PKHD1: variants seen among roughly 807,000 people sequenced by gnomAD.
PKHD1 encodes the protein fibrocystin.
In PKHD1, 291 loss-of-function variants were observed where a neutral mutation model predicts 412.0. That is an observed-to-expected ratio of 0.71 (90% confidence interval 0.64 to 0.78). The LOEUF (loss-of-function observed/expected upper bound fraction) is 0.78. Ranked by LOEUF, PKHD1 falls within the 30% of genes least tolerant of loss-of-function variation. The pLI, the probability that PKHD1 is intolerant of heterozygous loss-of-function variation, is 0.00. For missense variants in PKHD1, 4,825 were observed against 4,950.7 expected, an observed-to-expected ratio of 0.97 and a Z score of 0.76; for synonymous variants, 1,777 against 1,821.5, an observed-to-expected ratio of 0.98 and a Z score of 0.62.
intron 14 of PKHD1, 124 bp downstream of exon 14, chr6:52,062,394 TG>T: frequency 1.0e-6 from 1 of 992,794 alleles, no homozygotes; most frequent in Non-Finnish European, 1.6e-6. Flanking sequence ...CAAACTCTGT[TG>T]TTGTTGAATT....
intron 46 of PKHD1, among the ~76,000 whole-genome samples, chr6:51,872,187 T>C (rs1266974156): frequency 6.6e-6 from 1 of 151,286 alleles, no homozygotes; most frequent in Non-Finnish European, 1.5e-5. Context: ...GGGGAAAGAA[T>C]TATCAAAGAA....
chr6:51,883,336 A>G, intron 45 of PKHD1, 109 bp from the exon 46 acceptor site: 9 of 996,336 alleles, frequency 9.0e-6, no homozygotes, highest in Non-Finnish European at 1.4e-5. Context: ...GCTATATTGT[A>G]TTAAAGCACC....
intron 35 of PKHD1, among the ~76,000 whole-genome samples, chr6:51,978,719 CA>C (rs898845750): frequency 2.5e-4 from 38 of 152,290 alleles, no homozygotes; most frequent in African/African-American, 7.0e-4. Flanking sequence ...GCTCATCTCA[CA>C]AACACTGTAA....
chr6:51,644,491 T>C (rs1769820719), intron 63 of PKHD1, among the ~76,000 whole-genome samples: 1 of 152,178 alleles, frequency 6.6e-6, no homozygotes, highest in East Asian at 1.9e-4. Context: ...GAGCTTAGAC[T>C]CATAGCCAGA....
At chr6:51,793,076 C>A (rs1794014363) in intron 52 of PKHD1, among the ~76,000 whole-genome samples, 1 of 152,120 alleles carries the variant, frequency 6.6e-6, no homozygotes, top group African/African-American at 2.4e-5. Flanking sequence ...TAAATGTCGT[C>A]CAGATCTGTT....
At chr6:52,053,502 T>G (rs1334518552) in intron 20 of PKHD1, among the ~76,000 whole-genome samples, 1 of 152,226 alleles carries the variant, frequency 6.6e-6, no homozygotes, top group Non-Finnish European at 1.5e-5. Flanking sequence ...ACATGCAATG[T>G]CAGCAGCATT....
intron 50 of PKHD1, among the ~76,000 whole-genome samples, chr6:51,846,964 T>C (rs979317786): frequency 6.6e-6 from 1 of 151,980 alleles, no homozygotes; most frequent in Non-Finnish European, 1.5e-5. Context: ...TTTCTCTTTC[T>C]TTTTTTTATT....
intron 48 of PKHD1, among the ~76,000 whole-genome samples, chr6:51,859,028 T>G (rs1041880411): frequency 2.0e-5 from 3 of 152,200 alleles, no homozygotes; most frequent in African/African-American, 7.2e-5. Context: ...GCACTAATAA[T>G]GGTCTCTGGT....
chr6:51,721,725 G>A, intron 60 of PKHD1: 1 of 1,357,374 alleles, frequency 7.4e-7, no homozygotes, highest in Non-Finnish European at 9.5e-7. Context: ...TGTCACTGTT[G>A]ACACCCTCTC....
Position 52,055,657 on chromosome 6 carries a change from CGGAGGCTGAA to C in PKHD1, c.1756_1765del (p.Phe586ValfsTer19). On this transcript the variant is annotated frameshift_variant, in exon 19 of 67. Transcript: ENST00000371117. LOFTEE classifies it high-confidence loss of function. ...AGTAAGGACAAGGTGTCGAGGCTGACGGAGGCTGAACCTGCCACAGAAGGGCTCCGTCCCA... is the reference window on the plus strand; with the variant it reads ...AGTAAGGACAAGGTGTCGAGGCTGACCCTGCCACAGAAGGGCTCCGTCCCA... 1 of 1,613,650 alleles carries C rather than the reference CGGAGGCTGAA, an allele frequency of 6.2e-7. No individual in the cohort carries two copies.
chr6:51,634,395 G>A (rs1273529106), intron 64 of PKHD1, among the ~76,000 whole-genome samples: 1 of 152,078 alleles, frequency 6.6e-6, no homozygotes, highest in Non-Finnish European at 1.5e-5. Context: ...TGCTTTTTAT[G>A]GGCATCTGAA....
intron 43 of PKHD1, 142 bp from the exon 44 acceptor site, chr6:51,887,387 A>T (rs1488859048): frequency 1.5e-6 from 1 of 688,116 alleles, no homozygotes; most frequent in East Asian, 2.7e-5. Flanking sequence ...AGACTCATTT[A>T]TTCTTTTTTT....
In PKHD1 at chr6:52,055,519, G is replaced by T. The variant is rs1807572235; in HGVS notation, c.1836+68C>A. 7 of 1,559,928 alleles carry T rather than the reference G, an allele frequency of 4.5e-6. No individual in the cohort carries two copies. The South Asian group carries it at 6.7e-5, about 15-fold the overall frequency. On this transcript the variant is annotated intron_variant, in intron 19 of 66. Transcript: ENST00000371117. ...ACTCCTTTGTGCTTCTGAGTTTTCAGTCTTGAATCCAGAGAGCAATACCAA... is the reference window on the plus strand; with the variant it reads ...ACTCCTTTGTGCTTCTGAGTTTTCATTCTTGAATCCAGAGAGCAATACCAA...
chr6:51,855,359 A>C (rs532703843), intron 49 of PKHD1, among the ~76,000 whole-genome samples: 1 of 152,272 alleles, frequency 6.6e-6, no homozygotes, highest in Admixed American at 6.5e-5. Flanking sequence ...GTTTCTAGTA[A>C]GCCATCTTGC....
intron 60 of PKHD1, among the ~76,000 whole-genome samples, chr6:51,710,365 C>T (rs1479183314): frequency 6.6e-6 from 1 of 151,882 alleles, no homozygotes; most frequent in East Asian, 1.9e-4. Flanking sequence ...CATCAATAGT[C>T]CTGGTTGAAC....
At position 51,713,425 on chromosome 6, in the gene PKHD1, T is replaced by G. The variant is rs572936112; in HGVS notation, c.10156+30960A>C. On this transcript the variant is annotated intron_variant, in intron 60 of 66. Coordinates refer to ENST00000371117, the MANE Select transcript of PKHD1 (RefSeq NM_138694.4). ...TTGGCTTTGGATCATTTTCCTTGAC[T>G]CCTCCTCCTCTACTCACTATGAAGC... is the stretch of plus-strand genomic sequence containing the variant. Among the ~76,000 whole-genome samples, 8 of 152,306 alleles carry G rather than the reference T, an allele frequency of 5.3e-5. No individual in the cohort carries two copies. In the East Asian group the frequency reaches 1.5e-3, roughly 29 times the overall value.
At chr6:52,051,830 C>G (rs546221255) in intron 21 of PKHD1, among the ~76,000 whole-genome samples, 2 of 58,574 alleles carry the variant, frequency 3.4e-5, no homozygotes, top group Non-Finnish European at 6.1e-5. Context: ...AGACCCCCAG[C>G]CAGTTGTCTT....
At chr6:51,927,722 G>C (rs544175590) in intron 37 of PKHD1, among the ~76,000 whole-genome samples, 66 of 152,304 alleles carry the variant, frequency 4.3e-4, no homozygotes, top group African/African-American at 1.6e-3. Context: ...CTAAGCAGGG[G>C]AAACAATTAG....
chr6:51,692,294 T>A (rs1407408455), intron 60 of PKHD1, among the ~76,000 whole-genome samples: 3 of 78,884 alleles, frequency 3.8e-5, no homozygotes, highest in African/African-American at 3.8e-5. Context: ...CACACACCAC[T>A]GAGTTCTGTG....
Sources: gnomAD v4.1 joint callset for allele counts (sites outside exome capture counted in the v4.1 genomes callset) on GRCh38, gnomAD v4.1.1 for gene constraint, MANE v1.5 for transcripts, NCBI Gene and HGNC (gene_info 2026-07-23, HGNC 2026-07-21) for gene names.